The following SLAIN1 variants were observed in gnomAD, a reference collection of about 807,000 sequenced individuals.
SLAIN1 encodes the protein SLAIN family member 1, also known as SLAIN motif-containing protein 1.
In SLAIN1, 17 loss-of-function variants were observed where a neutral mutation model predicts 55.4. That is an observed-to-expected ratio of 0.31 (90% CI 0.21 to 0.46). The LOEUF (loss-of-function observed/expected upper bound fraction) is 0.46. SLAIN1 is among the 20% of genes least tolerant of loss of function. The pLI is 1.00. For synonymous variants in SLAIN1, 348 were observed against 337.4 expected, an observed-to-expected ratio of 1.03 and a Z score of -0.35; for missense variants, 682 against 785.1, an observed-to-expected ratio of 0.87 and a Z score of 1.57.
intron 5 of SLAIN1, among the ~76,000 whole-genome samples, chr13:77,757,428 ATTTCT>A (rs1874681375): frequency 6.7e-6 from 1 of 150,060 alleles, no homozygotes; most frequent in Admixed American, 6.6e-5. Context: ...ATGTATCAAC[ATTTCT>A]TTTTTTTTTT....
intron 2 of SLAIN1, among the ~76,000 whole-genome samples, chr13:77,733,129 A>G (rs1332803295): frequency 6.6e-6 from 1 of 152,186 alleles, no homozygotes; most frequent in Non-Finnish European, 1.5e-5. Context: ...TCCGTGGAAT[A>G]AATGTTATTC....
chr13:77,760,836 C>T lies in SLAIN1; in HGVS notation c.1423C>T (p.Pro475Ser). The change falls in exon 6 of 7, where the codon CCG becomes TCG. Residue 475 changes from proline (P) to serine (S), a missense_variant. Physicochemically the swap from Pro to Ser is moderately conservative, Grantham distance 74 (BLOSUM62 -1). Around this residue, in one of 3 missense-constraint regions of SLAIN1, gnomAD observed 244 missense variants for 295.2 expected, o/e 0.83. Coordinates refer to ENST00000418532, the MANE Select transcript of SLAIN1 (RefSeq NM_001242868.2). The stretch of plus-strand genomic sequence containing the variant: ...ATCATTTTCTCTTCTAGTTCCATCA[C>T]CGGGACAGCTTCAACACAGGGTCCA... The part of the protein sequence containing the change: ...ISRIQSCIPS[P>S]GQLQHRVHSV... 1.9e-6 allele frequency: 3 copies of T among 1,613,148 alleles called. No homozygotes were observed. Among genetic ancestry groups the T allele is most frequent in the South Asian group, 2.2e-5 (2 of 91,044 alleles).
At chr13:77,753,670 A>G (rs1874400743) in intron 5 of SLAIN1, among the ~76,000 whole-genome samples, 1 of 152,114 alleles carries the variant, frequency 6.6e-6, no homozygotes. Context: ...GTAGTCCTTT[A>G]TATCCTAGGA....
At position 77,698,126 on chromosome 13, in the gene SLAIN1, C is replaced by T. The variant is rs1211371731; in HGVS notation, c.213C>T (p.Pro71=). Residue 71 remains proline (P), a synonymous_variant, in exon 1 of 7, where the codon CCC becomes CCT. Transcript: ENST00000418532. This position sits in a 1 kb window ranked among gnomAD's most constrained non-coding sequence, Gnocchi z 4.1. ...CGCCGCCGCCGCCCGCCGCGCCGCC[C>T]CCCGCTGGCCTGCAGCCTTTGGGTC... The part of the protein sequence containing the change: ...LLPPPPPAAP[P]PAGLQPLGPR... 1.7e-3 allele frequency: 1,729 copies of T among 988,060 alleles called. 8 individuals carry two copies. The highest frequency in any genetic ancestry group is 1.9e-3 in the Non-Finnish European group (1,652 of 861,688). The allele number at this position is 988,060 out of a possible 1,614,324, so 61.2% of individuals were successfully genotyped here.
intron 1 of SLAIN1, among the ~76,000 whole-genome samples, chr13:77,718,829 A>C (rs779446091): frequency 9.2e-5 from 14 of 152,096 alleles, no homozygotes; most frequent in Non-Finnish European, 1.6e-4. Flanking sequence ...CTACCTTAAC[A>C]TGGCATATTA....
chr13:77,708,373 C>T (rs1181433399), intron 1 of SLAIN1, among the ~76,000 whole-genome samples: 1 of 152,160 alleles, frequency 6.6e-6, no homozygotes, highest in East Asian at 1.9e-4. Flanking sequence ...CCATTGGATA[C>T]TGGAGGTAAC....
chr13:77,729,777 C>T (rs562838040), intron 2 of SLAIN1, among the ~76,000 whole-genome samples: 30 of 152,236 alleles, frequency 2.0e-4, no homozygotes, highest in Non-Finnish European at 4.1e-4. Flanking sequence ...TTCTTCCTGT[C>T]CCATAAAAGA....
At position 77,697,977 on chromosome 13, in the gene SLAIN1, G is replaced by C. The variant is rs1272363971; in HGVS notation, c.64G>C (p.Val22Leu). Reference protein sequence around the residue: ...GVSSGAGSGPVVNAELEVKKL... With the variant: ...GVSSGAGSGPLVNAELEVKKL... ...CAGCTCTGGAGCGGGCTCCGGGCCG[G>C]TGGTGAACGCGGAGCTGGAGGTGAA... Residue 22 changes from valine to leucine, a missense_variant, in exon 1 of 7, where the codon GTG (valine) becomes CTG (leucine). By Grantham distance (32) the Val-to-Leu change is conservative. Around this residue, in one of 3 missense-constraint regions of SLAIN1, gnomAD observed 401 missense variants for 417.3 expected, o/e 0.96. Coordinates refer to ENST00000418532, the MANE Select transcript of SLAIN1 (RefSeq NM_001242868.2). The C allele has an allele frequency of 6.9e-7, 1 of 1,449,188 alleles. No individual in the cohort carries two copies. Among genetic ancestry groups the C allele is most frequent in the Non-Finnish European group, 9.2e-7 (1 of 1,092,452 alleles). 89.8% of individuals were successfully genotyped at this position (1,449,188 alleles called of 1,614,324 possible).
Position 77,718,742 on chromosome 13 carries a change from C to A in SLAIN1, c.627-790C>A, listed in dbSNP as rs190890851. ...TTTGGGGAGGTAATTCACCCTCCCC[C>A]CTTTTTTAGTTAACTGCTGTTTATT... On this transcript the variant is annotated intron_variant, in intron 1 of 6. Transcript: ENST00000418532. Among the ~76,000 whole-genome samples, 10 of 152,172 alleles carry A rather than the reference C, an allele frequency of 6.6e-5. No homozygotes were observed. The East Asian group carries it at 1.2e-3, about 18-fold the overall frequency.
At chr13:77,759,807 G>T (rs963329509) in intron 5 of SLAIN1, among the ~76,000 whole-genome samples, 6 of 151,792 alleles carry the variant, frequency 4.0e-5, no homozygotes, top group Non-Finnish European at 8.8e-5. Context: ...ATCATGATGT[G>T]TTATCTTTTT....
intron 1 of SLAIN1, among the ~76,000 whole-genome samples, chr13:77,713,639 A>G (rs181540171): frequency 0.013 from 1,934 of 152,312 alleles, 43 homozygotes; most frequent in Non-Finnish European, 0.018. Flanking sequence ...TAGAACCAGA[A>G]ATATCATTTG....
In SLAIN1 at chr13:77,729,537, T is replaced by C. The variant is rs2091337917; in HGVS notation, c.766+9866T>C. On this transcript the variant is annotated intron_variant, in intron 2 of 6. Transcript: ENST00000418532. Reference sequence around the variant, plus strand: ...TTTTTGGTAGGTGTTGGTACCTGTTTCTTGGGACCTCTACAGAATAGTCAG... The same window carrying C: ...TTTTTGGTAGGTGTTGGTACCTGTTCCTTGGGACCTCTACAGAATAGTCAG... Among the ~76,000 whole-genome samples the C allele has an allele frequency of 2.0e-5, 3 of 151,982 alleles. No homozygotes were observed. The South Asian group carries it at 6.2e-4, about 32-fold the overall frequency.
chr13:77,720,911 G>C (rs897983869), intron 2 of SLAIN1, among the ~76,000 whole-genome samples: 1 of 152,208 alleles, frequency 6.6e-6, no homozygotes, highest in East Asian at 1.9e-4. Flanking sequence ...AAGTTGAAGA[G>C]CAGTGTAGGG....
In SLAIN1 at chr13:77,744,324, A is replaced by C. The variant is rs774385842; in HGVS notation, c.808A>C (p.Ile270Leu). 4.3e-6 allele frequency: 7 copies of C among 1,612,736 alleles called. No individual in the cohort carries two copies. The highest frequency in any genetic ancestry group is 5.9e-6 in the Non-Finnish European group (7 of 1,179,244). Residue 270 changes from isoleucine to leucine, a missense_variant, in exon 3 of 7, where the codon ATC becomes CTC. By Grantham distance (5) the Ile-to-Leu change is conservative. Coordinates refer to ENST00000418532, the MANE Select transcript of SLAIN1 (RefSeq NM_001242868.2). Reference protein sequence around the residue: ...RGSPLSPQSSIDSELSTSELE... With the variant: ...RGSPLSPQSSLDSELSTSELE... Reference sequence around the variant, plus strand: ...CTCCCCACTCAGTCCCCAGTCATCTATCGACAGTGAGCTGAGTACTTCAGA... The same window carrying C: ...CTCCCCACTCAGTCCCCAGTCATCTCTCGACAGTGAGCTGAGTACTTCAGA...
At chr13:77,722,391 T>TA (rs1415935392) in intron 2 of SLAIN1, among the ~76,000 whole-genome samples, 2 of 151,096 alleles carry the variant, frequency 1.3e-5, no homozygotes, top group African/African-American at 4.9e-5. Context: ...AAATATAGTT[T>TA]AAAAAATAGT....
At chr13:77,719,258 T>TA (rs11432686) in intron 1 of SLAIN1, among the ~76,000 whole-genome samples, 45,612 of 139,746 alleles carry the variant, frequency 0.33, 7,465 homozygotes, top group African/African-American at 0.44. Flanking sequence ...CTAGTTTAGT[T>TA]AAAAAAAAAA....
At chr13:77,738,076 C>A (rs538367059) in intron 2 of SLAIN1, among the ~76,000 whole-genome samples, 1 of 152,048 alleles carries the variant, frequency 6.6e-6, no homozygotes, top group African/African-American at 2.4e-5. Context: ...ATTTAGGTAA[C>A]TGCTTGGAGA....
intron 5 of SLAIN1, among the ~76,000 whole-genome samples, chr13:77,754,045 A>G (rs1026656466): frequency 3.3e-5 from 5 of 152,132 alleles, no homozygotes; most frequent in African/African-American, 1.2e-4. Flanking sequence ...CATGCTGTCT[A>G]TATGGGTTGT....
intron 2 of SLAIN1, among the ~76,000 whole-genome samples, chr13:77,732,282 G>A (rs117292866): frequency 1.3e-4 from 20 of 152,250 alleles, no homozygotes; most frequent in Middle Eastern, 3.4e-3. Context: ...AGTCATAGGC[G>A]TGAAGACTCT....
Sources: gnomAD v4.1 joint callset for allele counts (sites outside exome capture counted in the v4.1 genomes callset) on GRCh38, gnomAD v4.1.1 for gene constraint, gnomAD v4.1.1 regional missense constraint, Gnocchi (gnomAD v3.1) non-coding constraint, MANE v1.5 for transcripts, NCBI Gene and HGNC (gene_info 2026-07-23, HGNC 2026-07-21) for gene names.